Variants in MED17 observed in about 807,000 individuals in gnomAD.
MED17 encodes the protein mediator of RNA polymerase II transcription subunit 17.
MED17 carries 49 observed loss-of-function variants against 80.8 expected under a neutral mutation model. The ratio of observed to expected loss-of-function variants is 0.61; its 90% confidence interval spans 0.48 to 0.77. The LOEUF is 0.77. Among genes scored for constraint, MED17 ranks in the 30% least tolerant of loss-of-function variants. MED17 has a pLI of 0.00. For missense variants in MED17, 718 were observed against 787.0 expected (o/e 0.91, Z 1.05); for synonymous variants, 281 against 280.4 (o/e 1.00, Z -0.02).
intron 9 of MED17, among the ~76,000 whole-genome samples, chr11:93,804,002 TATATATATATATATATATATATATACAC>T (rs1943994630): frequency 8.4e-5 from 1 of 11,972 alleles, no homozygotes; most frequent in African/African-American, 1.0e-4. Flanking sequence ...TGTGTGTGTA[TATATATATATATATATATATATATACAC>T]ACACACATAT....
rs905864489 is a variant in MED17, at chr11:93,812,930, T to C, written c.*866T>C. On this transcript the variant is annotated 3_prime_UTR_variant, in exon 12 of 12. Coordinates refer to ENST00000251871, the MANE Select transcript of MED17 (RefSeq NM_004268.5). ...GATTGACCTCACCAGTTGAGACACC[T>C]AGTGTATGGCTCATGCCCAGCCTTC... 5 of 152,306 alleles carry C rather than the reference T, an allele frequency of 3.3e-5. No individual in the cohort carries two copies. The highest frequency in any genetic ancestry group is 2.6e-4 in the Admixed American group (4 of 15,276). The allele number at this position is 152,306 out of a possible 1,614,324, so 9.4% of individuals were successfully genotyped here.
At chr11:93,796,870 T>C in intron 7 of MED17, 1 of 341,350 alleles carries the variant, frequency 2.9e-6, no homozygotes, top group South Asian at 2.6e-5. Context: ...AGACTAGTTT[T>C]ATTTTAGGAC....
At chr11:93,802,352 G>T (rs982094484) in intron 9 of MED17, among the ~76,000 whole-genome samples, 5 of 152,020 alleles carry the variant, frequency 3.3e-5, no homozygotes, top group Admixed American at 6.6e-5. Flanking sequence ...CTGCTGTCTT[G>T]GCCTCCCAAA....
intron 10 of MED17, chr11:93,808,495 T>A (rs1270913524): frequency 3.3e-5 from 5 of 151,382 alleles, no homozygotes; most frequent in Non-Finnish European, 7.4e-5. Context: ...CCCTAATTTC[T>A]TCATGGAGTT....
rs1419717482 is a variant in MED17 at position 93,809,896 on chromosome 11, A to G, written c.1744+20A>G. The G allele has an allele frequency of 6.2e-7, 1 of 1,614,038 alleles. No homozygotes were observed. The highest frequency in any genetic ancestry group is 1.7e-5 in the Admixed American group (1 of 60,032). On this transcript the variant is annotated intron_variant, in intron 11 of 11. Coordinates refer to ENST00000251871, the MANE Select transcript of MED17 (RefSeq NM_004268.5). The stretch of plus-strand genomic sequence containing the variant: ...TTTCAGGTACTTTCTGCTGCTTTGA[A>G]TGAGAAGGGACCATTGGGAGTTTGG...
rs1943788066 is a variant in MED17 at position 93,788,073 on chromosome 11, A to G, written c.323A>G (p.Glu108Gly). ...VRNNLRSALTEMCVLYDVLSI... is the reference protein window; with the variant it reads ...VRNNLRSALTGMCVLYDVLSI... ...AACAATTTGAGAAGTGCCCTGACAG[A>G]GATGTGTGTTCTCTATGATGTTCTC... Residue 108 changes from glutamate (E) to glycine (G), a missense_variant, in exon 2 of 12, where the codon GAG (glutamate) becomes GGG (glycine). Coordinates refer to ENST00000251871, the MANE Select transcript of MED17 (RefSeq NM_004268.5). 1 of 1,613,684 alleles carries G rather than the reference A, an allele frequency of 6.2e-7. No homozygotes were observed. Among genetic ancestry groups the G allele is most frequent in the South Asian group, 1.1e-5 (1 of 91,078 alleles).
Position 93,812,370 on chromosome 11 carries a change from A to G in MED17, c.*306A>G. 1 of 519,832 alleles carries G rather than the reference A, an allele frequency of 1.9e-6. No individual in the cohort carries two copies. Among genetic ancestry groups the G allele is most frequent in the Non-Finnish European group, 3.4e-6 (1 of 298,132 alleles). The allele number at this position is 519,832 out of a possible 1,614,324, so 32.2% of individuals were successfully genotyped here. ...TGCTTTTTAAAATATTCCTTCTTTG[A>G]TGTTGACATCAAATAAAGTATGTGG... On this transcript the variant is annotated 3_prime_UTR_variant, in exon 12 of 12. Coordinates refer to ENST00000251871, the MANE Select transcript of MED17 (RefSeq NM_004268.5).
intron 2 of MED17, among the ~76,000 whole-genome samples, chr11:93,790,087 C>A (rs1440702016): frequency 6.6e-6 from 1 of 152,142 alleles, no homozygotes; most frequent in Non-Finnish European, 1.5e-5. Context: ...CCATTGCAGT[C>A]ATTCATTCAT....
intron 9 of MED17, 183 bp from the exon 10 acceptor site, chr11:93,807,335 C>A: frequency 1.8e-6 from 1 of 548,178 alleles, no homozygotes; most frequent in Non-Finnish European, 3.2e-6. Flanking sequence ...CTCTCTTGAA[C>A]TCAGGAAGCG....
Position 93,795,074 on chromosome 11 carries a change from T to C in MED17, c.1012+14T>C. On this transcript the variant is annotated intron_variant, in intron 6 of 11. Coordinates refer to ENST00000251871, the MANE Select transcript of MED17 (RefSeq NM_004268.5). ...AGCCCTTTCCGAGTAAGAGCAGCCC[T>C]TTTTCGACTTTATGAACAGGACTTT... 4 of 1,613,300 alleles carry C rather than the reference T, an allele frequency of 2.5e-6. No individual in the cohort carries two copies. The African/African-American group carries it at 4.0e-5, about 16-fold the overall frequency.
At position 93,790,224 on chromosome 11, in the gene MED17, A is replaced by G. The variant is rs1359276590; in HGVS notation, c.418-350A>G. ...TTAATCAGAAGTATAATGAGTGCCA[A>G]AAAGGTTATATATAACTATATGTGT... is the stretch of plus-strand genomic sequence containing the variant. On this transcript the variant is annotated intron_variant, in intron 2 of 11. Coordinates refer to ENST00000251871, the MANE Select transcript of MED17 (RefSeq NM_004268.5). The G allele has an allele frequency of 2.1e-5, 8 of 376,270 alleles. No homozygotes were observed. The Admixed American group carries it at 2.6e-4, about 12-fold the overall frequency. 23.3% of individuals were successfully genotyped at this position (376,270 alleles called of 1,614,324 possible).
chr11:93,790,694 C>T lies in MED17; in HGVS notation c.538C>T (p.Gln180Ter), dbSNP rs1392631759. ...SVTENQENKLQRDFNSELLRL... is the reference protein window; with the variant it reads ...SVTENQENKL The stretch of plus-strand genomic sequence containing the variant: ...TACCGAAAACCAAGAAAACAAGCTA[C>T]AAAGAGACTTCAATTCTGAGCTTTT... The change falls in exon 3 of 12, where the codon CAA (glutamine) becomes TAA (stop). Residue 180 changes from glutamine to a stop codon, truncating the protein, a stop_gained. Coordinates refer to ENST00000251871, the MANE Select transcript of MED17 (RefSeq NM_004268.5). LOFTEE classifies it high-confidence loss of function. 2 of 1,614,050 alleles carry T rather than the reference C, an allele frequency of 1.2e-6. No homozygotes were observed. The highest frequency in any genetic ancestry group is 2.7e-5 in the African/African-American group (2 of 74,926).
chr11:93,796,212 A>G (rs2135714641), intron 6 of MED17, 198 bp from the exon 7 acceptor site: 1 of 545,076 alleles, frequency 1.8e-6, no homozygotes, highest in Non-Finnish European at 3.3e-6. Context: ...TGGCCTCCCA[A>G]CATGCTGGGA....
At chr11:93,809,552 T>C in intron 10 of MED17, 165 bp from the exon 11 acceptor site, 1 of 720,720 alleles carries the variant, frequency 1.4e-6, no homozygotes, top group Non-Finnish European at 2.4e-6. Flanking sequence ...GGTGGAGTCC[T>C]ATTCCCTCCC....
chr11:93,809,658 G>A (rs111860561), intron 10 of MED17, 59 bp from the exon 11 acceptor site: 1 of 1,582,642 alleles, frequency 6.3e-7, no homozygotes, highest in Non-Finnish European at 8.7e-7. Flanking sequence ...TGGTCGTGAT[G>A]TTAAGTCACT....
chr11:93,799,327 C>T (rs1218366782), intron 8 of MED17, among the ~76,000 whole-genome samples: 2 of 152,212 alleles, frequency 1.3e-5, no homozygotes, highest in African/African-American at 2.4e-5. Flanking sequence ...AAGTGTGCGC[C>T]ACCATGCCTG....
At chr11:93,803,883 T>C (rs1210498143) in intron 9 of MED17, among the ~76,000 whole-genome samples, 1 of 151,608 alleles carries the variant, frequency 6.6e-6, no homozygotes, top group Non-Finnish European at 1.5e-5. Flanking sequence ...TAGAAGGCAG[T>C]AGTAGAATGC....
At chr11:93,786,009 C>A (rs1260064382) in intron 1 of MED17, among the ~76,000 whole-genome samples, 12 of 152,146 alleles carry the variant, frequency 7.9e-5, no homozygotes, top group African/African-American at 2.9e-4. Context: ...AACATCCACA[C>A]ACACAACCAC....
rs531472981 is a variant in MED17 at position 93,812,958 on chromosome 11, C to G, written c.*894C>G. On this transcript the variant is annotated 3_prime_UTR_variant, in exon 12 of 12. Transcript: ENST00000251871. ...TGTATGGCTCATGCCCAGCCTTCCA[C>G]CTGGGATTCTCCAGCCTCCACCCAG... The G allele has an allele frequency of 2.6e-5, 4 of 152,416 alleles. No individual in the cohort carries two copies. The highest frequency in any genetic ancestry group is 7.2e-5 in the African/African-American group (3 of 41,572). The allele number at this position is 152,416 out of a possible 1,614,324, so 9.4% of individuals were successfully genotyped here.
Sources: allele counts gnomAD v4.1 joint callset (sites outside exome capture counted in the v4.1 genomes callset), GRCh38; gene constraint gnomAD v4.1.1; transcripts MANE v1.5; gene names NCBI Gene and HGNC (gene_info 2026-07-23, HGNC 2026-07-21).